Variants in RPS6KC1 observed in about 807,000 individuals in gnomAD.
RPS6KC1 encodes inactive ribosomal protein S6 kinase delta-1.
Under a neutral mutation model 103.8 loss-of-function variants are expected in RPS6KC1, and 54 were observed. The ratio of observed to expected loss-of-function variants is 0.52; its 90% CI spans 0.42 to 0.65. The LOEUF is 0.65. Among genes scored for constraint, RPS6KC1 ranks in the 30% least tolerant of loss-of-function variants. The pLI is 0.00. For missense variants in RPS6KC1, 1,151 were observed against 1,253.8 expected (o/e 0.92, Z 1.24); for synonymous variants, 439 against 438.7 (o/e 1.00, Z -0.01).
At chr1:213,365,269 G>T in the RPS6KC1 span, among the ~76,000 whole-genome samples, 10 of 152,332 alleles carry the variant, frequency 6.6e-5, no homozygotes, top group African/African-American at 2.4e-4. Context: ...AGTTACCAAG[G>T]AAACTAGTTT....
the RPS6KC1 span, among the ~76,000 whole-genome samples, chr1:213,491,067 A>G: frequency 2.0e-5 from 3 of 152,046 alleles, no homozygotes; most frequent in African/African-American, 4.8e-5. Context: ...CCCCTTGCCC[A>G]CCCCAATGTT....
the RPS6KC1 span, among the ~76,000 whole-genome samples, chr1:213,409,879 T>G: frequency 6.6e-6 from 1 of 152,204 alleles, no homozygotes; most frequent in Non-Finnish European, 1.5e-5. Context: ...TTATAATTGC[T>G]GGGCTGGGTG....
At chr1:213,794,200 C>G in the RPS6KC1 span, among the ~76,000 whole-genome samples, 1 of 152,170 alleles carries the variant, frequency 6.6e-6, no homozygotes, top group African/African-American at 2.4e-5. Context: ...ATTAAGTATT[C>G]TAATTCACTC....
the RPS6KC1 span, among the ~76,000 whole-genome samples, chr1:213,752,547 C>T: frequency 6.6e-6 from 1 of 152,152 alleles, no homozygotes; most frequent in African/African-American, 2.4e-5. Flanking sequence ...CATACTCGTC[C>T]TCCATAAGAT....
At chr1:213,469,436 G>A in the RPS6KC1 span, among the ~76,000 whole-genome samples, 1 of 151,798 alleles carries the variant, frequency 6.6e-6, no homozygotes, top group African/African-American at 2.4e-5. Context: ...CCTCACTATT[G>A]GATTGTTTTG....
chr1:213,528,087 T>A, the RPS6KC1 span, among the ~76,000 whole-genome samples: 1 of 152,106 alleles, frequency 6.6e-6, no homozygotes, highest in Non-Finnish European at 1.5e-5. Flanking sequence ...CATGTATAAG[T>A]GGACCCACAC....
rs766799154 is a variant in RPS6KC1 at position 213,068,091 on chromosome 1, A to G, written c.106-2915A>G. On this transcript the variant is annotated intron_variant, in intron 1 of 14. Coordinates refer to ENST00000366960, the MANE Select transcript of RPS6KC1 (RefSeq NM_012424.6). ...ACATAAATTGTGAAATTTAAAGTAC[A>G]TTTGAATAGACCTTGCTGTGAGTGA... 2.0e-5 allele frequency among the ~76,000 whole-genome samples: 3 copies of G among 152,342 alleles called. No individual in the cohort carries two copies. The South Asian group carries it at 6.2e-4, about 32-fold the overall frequency.
the RPS6KC1 span, among the ~76,000 whole-genome samples, chr1:213,388,818 C>T: frequency 1.2e-4 from 19 of 152,120 alleles, no homozygotes; most frequent in African/African-American, 3.9e-4. Flanking sequence ...ACCGCCCTGG[C>T]GAGGGAGGGT....
chr1:213,713,485 C>G, the RPS6KC1 span, among the ~76,000 whole-genome samples: 1 of 152,182 alleles, frequency 6.6e-6, no homozygotes, highest in African/African-American at 2.4e-5. Context: ...CATTGCTTAT[C>G]AACATTAGTA....
the RPS6KC1 span, among the ~76,000 whole-genome samples, chr1:213,618,703 G>T: frequency 6.6e-6 from 1 of 152,190 alleles, no homozygotes; most frequent in African/African-American, 2.4e-5. Context: ...GATGTTAGTG[G>T]GTGGTAAGGT....
chr1:213,522,714 C>T, the RPS6KC1 span, among the ~76,000 whole-genome samples: 2 of 152,330 alleles, frequency 1.3e-5, no homozygotes, highest in East Asian at 1.9e-4. Flanking sequence ...TGGCTGCTAG[C>T]TTCCAAATTT....
the RPS6KC1 span, among the ~76,000 whole-genome samples, chr1:213,847,030 C>T: frequency 6.6e-6 from 1 of 152,060 alleles, no homozygotes; most frequent in Non-Finnish European, 1.5e-5. Context: ...ACCTCTTGAC[C>T]CTCCAGTGAG....
the RPS6KC1 span, among the ~76,000 whole-genome samples, chr1:213,564,530 G>T: frequency 6.6e-6 from 1 of 152,140 alleles, no homozygotes; most frequent in Non-Finnish European, 1.5e-5. Context: ...CATTTGTGGT[G>T]TCCTTCAGTC....
At chr1:213,062,383 CA>C (rs1021048538) in intron 1 of RPS6KC1, among the ~76,000 whole-genome samples, 1 of 151,084 alleles carries the variant, frequency 6.6e-6, no homozygotes, top group Non-Finnish European at 1.5e-5. Flanking sequence ...TTCCAAAATC[CA>C]AAAAAAATAC....
At chr1:213,206,384 C>A (rs1313770211) in intron 8 of RPS6KC1, among the ~76,000 whole-genome samples, 1 of 152,196 alleles carries the variant, frequency 6.6e-6, no homozygotes, top group East Asian at 1.9e-4. Context: ...TTAACAAATA[C>A]CTTTTGAATG....
the RPS6KC1 span, among the ~76,000 whole-genome samples, chr1:213,502,513 G>A: frequency 6.6e-6 from 1 of 152,060 alleles, no homozygotes; most frequent in Non-Finnish European, 1.5e-5. Context: ...CACTTTTTAT[G>A]TATCAAACTT....
the RPS6KC1 span, among the ~76,000 whole-genome samples, chr1:213,572,891 T>G: frequency 6.6e-6 from 1 of 152,196 alleles, no homozygotes; most frequent in African/African-American, 2.4e-5. Context: ...ATTGTGTTGC[T>G]TAGGAACTAA....
At chr1:213,631,591 G>C in the RPS6KC1 span, among the ~76,000 whole-genome samples, 1 of 151,528 alleles carries the variant, frequency 6.6e-6, no homozygotes, top group Non-Finnish European at 1.5e-5. Context: ...ATAATCACTG[G>C]GCCATTAAGT....
chr1:213,625,828 G>A, the RPS6KC1 span, among the ~76,000 whole-genome samples: 4 of 151,968 alleles, frequency 2.6e-5, no homozygotes, highest in East Asian at 1.9e-4. Context: ...CCAGTCTATC[G>A]TTGTTGGACA....
Sources: gnomAD v4.1 joint callset for allele counts (sites outside exome capture counted in the v4.1 genomes callset) on GRCh38, gnomAD v4.1.1 for gene constraint, MANE v1.5 for transcripts, NCBI Gene and HGNC (gene_info 2026-07-23, HGNC 2026-07-21) for gene names.